The following RBFOX1 variants were observed in gnomAD, a reference collection of about 807,000 sequenced individuals.
The protein encoded by RBFOX1 is RNA binding protein fox-1 homolog 1.
A neutral mutation model predicts 57.7 loss-of-function variants in RBFOX1; 8 were observed. The observed-to-expected ratio is 0.14, with a 90% CI of 0.08 to 0.25. The LOEUF (loss-of-function observed/expected upper bound fraction) is 0.25, where lower values mean the gene tolerates loss of function less well. Among genes scored for constraint, RBFOX1 ranks in the 10% least tolerant of loss-of-function variants. RBFOX1 has a pLI of 1.00. For synonymous variants in RBFOX1, 326 were observed against 222.4 expected, an observed-to-expected ratio of 1.47 and a Z score of -4.15; for missense variants, 611 against 548.5, an observed-to-expected ratio of 1.11 and a Z score of -1.14.
At chr16:6,325,856 AG>A (rs1428170554) in intron 2 of RBFOX1, among the ~76,000 whole-genome samples, 3 of 152,190 alleles carry the variant, frequency 2.0e-5, no homozygotes, top group African/African-American at 7.2e-5. Context: ...TTTTGAATTC[AG>A]GTGGTTATTT....
intron 1 of RBFOX1, among the ~76,000 whole-genome samples, chr16:5,352,479 C>T (rs183137587): frequency 2.0e-5 from 3 of 152,194 alleles, no homozygotes; most frequent in African/African-American, 7.2e-5. Context: ...CTTTTTCTTG[C>T]ACTCTCTGTC....
intron 2 of RBFOX1, among the ~76,000 whole-genome samples, chr16:6,495,416 C>G (rs1451073572): frequency 1.3e-5 from 2 of 149,876 alleles, no homozygotes; most frequent in Non-Finnish European, 2.9e-5. Context: ...CAGGCTTGAG[C>G]TTCCGCGCCT....
At chr16:5,770,189 G>A (rs977155030) in intron 3 of RBFOX1, among the ~76,000 whole-genome samples, 1 of 151,800 alleles carries the variant, frequency 6.6e-6, no homozygotes, top group East Asian at 1.9e-4. Flanking sequence ...CCTGAGGTAG[G>A]ACATCAACAG....
intron 4 of RBFOX1, among the ~76,000 whole-genome samples, chr16:5,905,460 C>G (rs1248989937): frequency 6.6e-6 from 1 of 152,024 alleles, no homozygotes; most frequent in Non-Finnish European, 1.5e-5. Flanking sequence ...GCCTGTAATC[C>G]CAGCATTTTG....
intron 1 of RBFOX1, among the ~76,000 whole-genome samples, chr16:5,323,798 G>T (rs1105396): frequency 2.0e-5 from 3 of 152,200 alleles, no homozygotes; most frequent in South Asian, 4.1e-4. Flanking sequence ...GTGAACATCT[G>T]CCCATCACCA....
intron 3 of RBFOX1, among the ~76,000 whole-genome samples, chr16:6,766,190 G>C (rs1033948453): frequency 6.6e-6 from 1 of 151,758 alleles, no homozygotes; most frequent in Admixed American, 6.6e-5. Context: ...GAAAAAAAAA[G>C]ACATGAATAA....
intron 10 of RBFOX1, 82 bp downstream of exon 10, chr16:7,607,420 A>C: frequency 7.6e-7 from 1 of 1,314,566 alleles, no homozygotes; most frequent in Non-Finnish European, 1.1e-6. Context: ...AGTTTTGTAA[A>C]ATAACCTGAA....
At chr16:6,752,591 C>T (rs1344152829) in intron 3 of RBFOX1, among the ~76,000 whole-genome samples, 2 of 152,140 alleles carry the variant, frequency 1.3e-5, no homozygotes, top group Non-Finnish European at 2.9e-5. Flanking sequence ...ACTTTGTAAA[C>T]TTCTTTAAGC....
chr16:6,945,106 C>G (rs1658737419), intron 3 of RBFOX1, among the ~76,000 whole-genome samples: 1 of 152,082 alleles, frequency 6.6e-6, no homozygotes, highest in South Asian at 2.1e-4. Context: ...CACCCAACGT[C>G]CCTTTGCTAG....
intron 3 of RBFOX1, among the ~76,000 whole-genome samples, chr16:5,864,293 C>G (rs917993795): frequency 6.6e-6 from 1 of 152,204 alleles, no homozygotes; most frequent in Non-Finnish European, 1.5e-5. Context: ...TGGTACGAAG[C>G]TTTATTTTTT....
intron 3 of RBFOX1, among the ~76,000 whole-genome samples, chr16:6,966,745 C>CTCTGTCTT (rs1259472327): frequency 6.6e-6 from 1 of 150,888 alleles, no homozygotes; most frequent in African/African-American, 2.5e-5. Flanking sequence ...CTCTGCCTGC[C>CTCTGTCTT]TCTATCTGTC....
chr16:5,362,362 T>G (rs509690), intron 1 of RBFOX1, among the ~76,000 whole-genome samples: 75,774 of 151,612 alleles, frequency 0.5, 20,268 homozygotes, highest in Middle Eastern at 0.67. Context: ...AGATGGTTTT[T>G]GTATCCTTTA....
chr16:6,931,866 G>A (rs2076616658), intron 3 of RBFOX1, among the ~76,000 whole-genome samples: 1 of 152,128 alleles, frequency 6.6e-6, no homozygotes, highest in Admixed American at 6.5e-5. Context: ...ATCTGACGAG[G>A]GCGTGGTATA....
intron 1 of RBFOX1, among the ~76,000 whole-genome samples, chr16:6,188,977 G>T (rs2097125132): frequency 6.6e-6 from 1 of 152,200 alleles, no homozygotes; most frequent in Admixed American, 6.5e-5. Context: ...AGTGCAAGAT[G>T]AAGCTAGTCA....
chr16:6,728,866 G>C (rs1399727359), intron 3 of RBFOX1, among the ~76,000 whole-genome samples: 1 of 152,074 alleles, frequency 6.6e-6, no homozygotes, highest in Non-Finnish European at 1.5e-5. Flanking sequence ...GGCCAGAGAA[G>C]AACTGATGAA....
chr16:6,071,196 C>T lies in RBFOX1; in HGVS notation c.-127+51204C>T, dbSNP rs185279731. Among the ~76,000 whole-genome samples, 22 of 152,214 alleles carry T rather than the reference C, an allele frequency of 1.4e-4. No homozygotes were observed. The East Asian group carries it at 4.1e-3, about 28-fold the overall frequency. The stretch of plus-strand genomic sequence containing the variant: ...AATTAGCGGGACGTGTGGCACATGC[C>T]TGTAGGACCAGCTGCTTGGGAGGCT... On this transcript the variant is annotated intron_variant, in intron 1 of 15. Transcript: ENST00000550418.
intron 7 of RBFOX1, among the ~76,000 whole-genome samples, chr16:7,589,762 G>A (rs538983309): frequency 6.6e-6 from 1 of 152,132 alleles, no homozygotes; most frequent in South Asian, 2.1e-4. Context: ...AACCTGAACT[G>A]TTGCTATGGC....
chr16:7,126,882 A>G (rs1057084217), intron 4 of RBFOX1, among the ~76,000 whole-genome samples: 5 of 151,700 alleles, frequency 3.3e-5, no homozygotes, highest in Non-Finnish European at 7.4e-5. Context: ...GGTGGCAGGC[A>G]CCTGTAATCC....
intron 2 of RBFOX1, among the ~76,000 whole-genome samples, chr16:6,377,131 T>C (rs2091278751): frequency 6.6e-6 from 1 of 151,778 alleles, no homozygotes; most frequent in East Asian, 1.9e-4. Flanking sequence ...AAAAATTAGC[T>C]GAGCACGGTG....
Sources: allele counts gnomAD v4.1 joint callset (sites outside exome capture counted in the v4.1 genomes callset), GRCh38; gene constraint gnomAD v4.1.1; transcripts MANE v1.5; gene names NCBI Gene and HGNC (gene_info 2026-07-23, HGNC 2026-07-21).